C5orf47: variants seen among roughly 807,000 people sequenced by gnomAD.
C5orf47 encodes the protein chromosome 5 open reading frame 47.
Under a neutral mutation model 20.6 loss-of-function variants are expected in C5orf47, and 20 were observed. The observed-to-expected ratio is 0.97, with a 90% confidence interval of 0.68 to 1.41. The LOEUF (loss-of-function observed/expected upper bound fraction) is 1.41. C5orf47 is among the 40% of genes most tolerant of loss of function. C5orf47 has a pLI of 0.00. For missense variants in C5orf47, 262 were observed against 238.4 expected, an observed-to-expected ratio of 1.10 and a Z score of -0.65; for synonymous variants, 106 against 97.3, an observed-to-expected ratio of 1.09 and a Z score of -0.53.
rs866068446 is a variant in C5orf47 at position 173,990,125 on chromosome 5, A to T, written c.325+537A>T. Among the ~76,000 whole-genome samples, 138 of 138,200 alleles carry T rather than the reference A, an allele frequency of 1.0e-3. 1 individual carries two copies. In the Middle Eastern group the frequency reaches 0.011, roughly 11 times the overall value. 90.7% of individuals were successfully genotyped at this position (138,200 alleles called of 152,430 possible). On this transcript the variant is annotated intron_variant, in intron 1 of 4. Transcript: ENST00000340147. ...AATGCTCACTGTGTATAGGAAGCCA[A>T]TTTTTTTTTTTTTTTTTTGAGACGG...
intron 1 of C5orf47, among the ~76,000 whole-genome samples, chr5:173,992,644 C>G (rs1233683694): frequency 1.3e-5 from 2 of 152,066 alleles, no homozygotes. Context: ...CCCATAGATT[C>G]CAATATGTAG....
At chr5:173,995,645 A>G (rs142119846) in intron 1 of C5orf47, among the ~76,000 whole-genome samples, 18 of 152,386 alleles carry the variant, frequency 1.2e-4, no homozygotes, top group South Asian at 2.1e-4. Context: ...TCGGCATAGA[A>G]TAAGTGCCCA....
downstream of C5orf47, among the ~76,000 whole-genome samples, chr5:174,007,427 A>G (rs567333229): frequency 1.3e-5 from 2 of 152,314 alleles, no homozygotes; most frequent in East Asian, 3.9e-4. Context: ...GAGCAGGAGC[A>G]TGGTATATAG....
chr5:174,007,801 C>T (rs942710570), downstream of C5orf47, among the ~76,000 whole-genome samples: 1 of 152,046 alleles, frequency 6.6e-6, no homozygotes, highest in Non-Finnish European at 1.5e-5. Flanking sequence ...CTCAGGTGGT[C>T]GTCCCACCTT....
At chr5:174,006,927 C>T (rs960148132), downstream of C5orf47, among the ~76,000 whole-genome samples, 16 of 152,148 alleles carry the variant, frequency 1.1e-4, no homozygotes, top group African/African-American at 3.9e-4. Flanking sequence ...ACAAGTTGCA[C>T]CCAAGCCAAT....
chr5:174,001,268 A>AT, intron 4 of C5orf47, 37 bp downstream of exon 4: 1 of 1,129,480 alleles, frequency 8.9e-7, no homozygotes, highest in Non-Finnish European at 1.3e-6. Flanking sequence ...TGGAATATAG[A>AT]TTTTATTCCC....
chr5:173,989,368 T>G lies in C5orf47; in HGVS notation c.105T>G (p.Arg35=). The G allele has an allele frequency of 6.6e-7, 1 of 1,522,146 alleles. No homozygotes were observed. The highest frequency in any genetic ancestry group is 8.8e-7 in the Non-Finnish European group (1 of 1,132,096). The allele number at this position is 1,522,146 out of a possible 1,614,324, so 94.3% of individuals were successfully genotyped here. Residue 35 remains arginine, a synonymous_variant, in exon 1 of 5, where the codon CGT becomes CGG. Coordinates refer to ENST00000340147, the MANE Select transcript of C5orf47 (RefSeq NM_001144954.2). ...QCSGVLQLGG[R]GAQGLWGQGP... ...GTGGCGTCCTGCAACTGGGCGGCCG[T>G]GGAGCTCAAGGCCTTTGGGGTCAGG...
intron 1 of C5orf47, among the ~76,000 whole-genome samples, chr5:173,990,037 T>C (rs1474153714): frequency 1.3e-5 from 2 of 152,230 alleles, no homozygotes; most frequent in Non-Finnish European, 2.9e-5. Flanking sequence ...GATCAACTTA[T>C]TCCTAAATAT....
chr5:173,997,201 T>C (rs1759113983), intron 1 of C5orf47, among the ~76,000 whole-genome samples: 1 of 152,106 alleles, frequency 6.6e-6, no homozygotes, highest in African/African-American at 2.4e-5. Flanking sequence ...GAAGGCTCCC[T>C]GGAAAGCTAA....
chr5:173,993,379 A>T (rs1023386355), intron 1 of C5orf47, among the ~76,000 whole-genome samples: 12 of 152,238 alleles, frequency 7.9e-5, no homozygotes, highest in South Asian at 2.1e-4. Flanking sequence ...GCGGTGGCTC[A>T]TGCCTGTAAT....
At chr5:174,008,627 T>G (rs1039847898), downstream of C5orf47, among the ~76,000 whole-genome samples, 4 of 151,648 alleles carry the variant, frequency 2.6e-5, no homozygotes, top group Admixed American at 2.0e-4. Context: ...GGTCAGGAGA[T>G]CGAGACCATC....
At chr5:173,989,855 G>C (rs1194141106) in intron 1 of C5orf47, among the ~76,000 whole-genome samples, 1 of 152,198 alleles carries the variant, frequency 6.6e-6, no homozygotes, top group African/African-American at 2.4e-5. Flanking sequence ...TGGCCTGCGT[G>C]TTTCCGTTCC....
At position 174,004,539 on chromosome 5, in the gene C5orf47, C is replaced by T. The variant is rs1759253375; in HGVS notation, c.*285C>T. ...TACATACTTTTAAATTAACCTCATA[C>T]ATAAAATTAAATTAGCATATCAATG... On this transcript the variant is annotated 3_prime_UTR_variant, in exon 5 of 5. Transcript: ENST00000340147. 6.6e-6 allele frequency: 1 copy of T among 152,194 alleles called. No individual in the cohort carries two copies. Among genetic ancestry groups the T allele is most frequent in the African/African-American group, 2.4e-5 (1 of 41,416 alleles). The allele number at this position is 152,194 out of a possible 1,614,324, so 9.4% of individuals were successfully genotyped here.
At chr5:174,007,150 ACT>A (rs1191124720), downstream of C5orf47, among the ~76,000 whole-genome samples, 1 of 151,474 alleles carries the variant, frequency 6.6e-6, no homozygotes, top group African/African-American at 2.4e-5. Flanking sequence ...AGTTGGAGTA[ACT>A]CTTACGTTGG....
chr5:174,000,057 A>T (rs1759168536), intron 3 of C5orf47, among the ~76,000 whole-genome samples: 1 of 152,114 alleles, frequency 6.6e-6, no homozygotes, highest in African/African-American at 2.4e-5. Context: ...TTACTGAGCA[A>T]AGGGAACATA....
chr5:173,991,671 G>A lies in C5orf47; in HGVS notation c.325+2083G>A, dbSNP rs535810216. Among the ~76,000 whole-genome samples the A allele has an allele frequency of 7.2e-5, 11 of 152,122 alleles. 1 individual carries two copies. The South Asian group carries it at 2.1e-3, about 29-fold the overall frequency. On this transcript the variant is annotated intron_variant, in intron 1 of 4. Transcript: ENST00000340147. ...GCATTCCTGAAGTAAATTCTACTTG[G>A]TTTTGGTGTGTAATTTTCCTAATAC...
At chr5:174,003,690 G>T (rs947081108) in intron 4 of C5orf47, among the ~76,000 whole-genome samples, 2 of 152,124 alleles carry the variant, frequency 1.3e-5, no homozygotes, top group Admixed American at 6.6e-5. Flanking sequence ...GGATAAAGAG[G>T]AATTTTCAGT....
intron 1 of C5orf47, among the ~76,000 whole-genome samples, chr5:173,989,915 A>G (rs1758957589): frequency 6.6e-6 from 1 of 152,156 alleles, no homozygotes; most frequent in South Asian, 2.1e-4. Context: ...TGGAGGATTG[A>G]CTTCCGGATG....
chr5:174,002,867 C>G (rs1364385850), intron 4 of C5orf47, among the ~76,000 whole-genome samples: 1 of 152,066 alleles, frequency 6.6e-6, no homozygotes, highest in African/African-American at 2.4e-5. Context: ...AGCAGTTTGT[C>G]AGGCTTTGTC....
Sources: allele counts gnomAD v4.1 joint callset (sites outside exome capture counted in the v4.1 genomes callset), GRCh38; gene constraint gnomAD v4.1.1; transcripts MANE v1.5; gene names NCBI Gene and HGNC (gene_info 2026-07-23, HGNC 2026-07-21).